EPB41L5: variants seen among roughly 807,000 people sequenced by gnomAD.
EPB41L5 encodes the protein band 4.1-like protein 5.
In EPB41L5, 55 loss-of-function variants were observed where a neutral mutation model predicts 106.6. The observed-to-expected ratio is 0.52, with a 90% confidence interval of 0.42 to 0.65. EPB41L5 has a LOEUF of 0.65. EPB41L5 is among the 30% of genes least tolerant of loss of function. EPB41L5 has a pLI of 0.00. For missense variants in EPB41L5, 871 were observed against 882.1 expected, an observed-to-expected ratio of 0.99 and a Z score of 0.16; for synonymous variants, 297 against 306.7, an observed-to-expected ratio of 0.97 and a Z score of 0.33.
intron 2 of EPB41L5, among the ~76,000 whole-genome samples, chr2:120,025,343 C>T (rs999728518): frequency 1.3e-5 from 2 of 152,034 alleles, no homozygotes; most frequent in African/African-American, 4.8e-5. Context: ...TGGTGATATC[C>T]TCTTTATTAT....
chr2:120,061,679 AAGTT>A (rs1203548958), intron 3 of EPB41L5, among the ~76,000 whole-genome samples: 1 of 152,188 alleles, frequency 6.6e-6, no homozygotes, highest in Non-Finnish European at 1.5e-5. Flanking sequence ...AAAGAAAAAT[AAGTT>A]AGTTAGATGG....
intron 18 of EPB41L5, among the ~76,000 whole-genome samples, chr2:120,142,729 CTG>C (rs775525509): frequency 2.0e-5 from 3 of 152,260 alleles, no homozygotes; most frequent in Admixed American, 1.3e-4. Context: ...TTCCAGCAAA[CTG>C]TGTTTATACA....
chr2:120,162,030 G>A (rs1463442234), intron 21 of EPB41L5, among the ~76,000 whole-genome samples: 1 of 152,138 alleles, frequency 6.6e-6, no homozygotes, highest in East Asian at 1.9e-4. Context: ...GTTCATTGCT[G>A]TATCCCTCAG....
intron 16 of EPB41L5, chr2:120,104,005 T>A (rs1684299148): frequency 6.9e-7 from 1 of 1,454,756 alleles, no homozygotes; most frequent in African/African-American, 1.4e-5. Flanking sequence ...ACACATCCAT[T>A]TTCTCCTATT....
In EPB41L5 at chr2:120,131,599, C is replaced by CTTTTTTTT. The variant is rs139599074; in HGVS notation, c.1502-16_1502-9dup. ...GCCTGGCAGACTGGGGTTATTTTGC[C>CTTTTTTTT]TTTTTTTTTTCTTTTCAGCATTAAA... On this transcript the variant is annotated intron_variant, in intron 17 of 24. Coordinates refer to ENST00000263713, the MANE Select transcript of EPB41L5 (RefSeq NM_020909.4). 4 of 1,342,418 alleles carry CTTTTTTTT rather than the reference C, an allele frequency of 3.0e-6. No individual in the cohort carries two copies. Among genetic ancestry groups the CTTTTTTTT allele is most frequent in the Non-Finnish European group, 3.1e-6 (3 of 965,216 alleles). The allele number at this position is 1,342,418 out of a possible 1,614,324, so 83.2% of individuals were successfully genotyped here.
chr2:120,153,189 T>C (rs1574766683), intron 20 of EPB41L5, among the ~76,000 whole-genome samples: 1 of 152,268 alleles, frequency 6.6e-6, no homozygotes, highest in East Asian at 1.9e-4. Flanking sequence ...AATATTTTGG[T>C]ATTTTTTTCA....
intron 20 of EPB41L5, among the ~76,000 whole-genome samples, chr2:120,152,308 T>C (rs1432295926): frequency 1.3e-5 from 2 of 152,236 alleles, no homozygotes; most frequent in African/African-American, 4.8e-5. Flanking sequence ...TCTGTTAATA[T>C]GGTGTGGTTT....
intron 16 of EPB41L5, among the ~76,000 whole-genome samples, chr2:120,116,921 C>T (rs1020518567): frequency 6.6e-6 from 1 of 151,892 alleles, no homozygotes; most frequent in Non-Finnish European, 1.5e-5. Flanking sequence ...TGGGAATTTG[C>T]GTAATATAAA....
At chr2:120,050,674 C>G (rs1680181496) in intron 3 of EPB41L5, among the ~76,000 whole-genome samples, 1 of 152,226 alleles carries the variant, frequency 6.6e-6, no homozygotes, top group South Asian at 2.1e-4. Flanking sequence ...AGTCATTCTC[C>G]ATCCAGCTTT....
intron 20 of EPB41L5, among the ~76,000 whole-genome samples, chr2:120,154,230 C>A (rs531234865): frequency 6.6e-6 from 1 of 152,124 alleles, no homozygotes; most frequent in Admixed American, 6.5e-5. Flanking sequence ...ACAATCTTGG[C>A]TCACCGCAAC....
Position 120,175,114 on chromosome 2 carries a change from GT to G in EPB41L5, c.*210del. ...ACTGCATAGCTGCCCAAAAGAGAGT[GT>G]TTGGTCTTGAACTTTCTATACTTTT... On this transcript the variant is annotated 3_prime_UTR_variant, in exon 25 of 25. Coordinates refer to ENST00000263713, the MANE Select transcript of EPB41L5 (RefSeq NM_020909.4). The G allele has an allele frequency of 1.8e-6, 1 of 563,840 alleles. No homozygotes were observed. The allele number at this position is 563,840 out of a possible 1,614,324, so 34.9% of individuals were successfully genotyped here. A position where few individuals can be genotyped will look rare whatever the true frequency, so the allele number is the denominator to read the frequency against.
chr2:120,075,461 T>G lies in EPB41L5; in HGVS notation c.408-15T>G. On this transcript the variant is annotated splice_polypyrimidine_tract_variant and intron_variant, in intron 5 of 24. Transcript: ENST00000263713. ...TGTGCTGTTGGGTTAAATTTGTGCC[T>G]TTCATTTTTCTTAGGTATTTATTTG... 1.9e-6 allele frequency: 3 copies of G among 1,549,672 alleles called. No individual in the cohort carries two copies. Among genetic ancestry groups the G allele is most frequent in the East Asian group, 2.3e-5 (1 of 44,422 alleles).
At chr2:120,162,851 G>A (rs549013228) in intron 21 of EPB41L5, among the ~76,000 whole-genome samples, 34 of 152,308 alleles carry the variant, frequency 2.2e-4, no homozygotes, top group African/African-American at 7.7e-4. Flanking sequence ...GTGGGAAGAT[G>A]CGAGAGGAGA....
intron 24 of EPB41L5, among the ~76,000 whole-genome samples, chr2:120,168,411 G>A (rs1435937875): frequency 4.6e-5 from 7 of 152,170 alleles, no homozygotes; most frequent in Admixed American, 3.9e-4. Flanking sequence ...TAGGGTGAGA[G>A]CCCTGAGATG....
intron 3 of EPB41L5, among the ~76,000 whole-genome samples, chr2:120,056,235 AT>A (rs536043162): frequency 0.052 from 7,103 of 137,094 alleles, 230 homozygotes; most frequent in Non-Finnish European, 0.078. Context: ...TGTTATGTTG[AT>A]TTTTTTTTTT....
chr2:120,076,441 C>T (rs1682238764), intron 7 of EPB41L5, among the ~76,000 whole-genome samples: 1 of 145,260 alleles, frequency 6.9e-6, no homozygotes, highest in Non-Finnish European at 1.5e-5. Context: ...GCTGGGTCTA[C>T]AGGCCATTAG....
intron 6 of EPB41L5, 86 bp from the exon 7 acceptor site, chr2:120,075,615 C>A: frequency 7.1e-7 from 1 of 1,403,786 alleles, no homozygotes; most frequent in Non-Finnish European, 1.0e-6. Flanking sequence ...AAGAAATGGT[C>A]AACATAAAAC....
intron 14 of EPB41L5, among the ~76,000 whole-genome samples, chr2:120,098,092 T>C (rs2105387292): frequency 6.6e-6 from 1 of 151,596 alleles, no homozygotes. Context: ...TAAAAAGAAA[T>C]TGTGCCTGAT....
At chr2:120,159,252 G>A (rs1221708969) in intron 20 of EPB41L5, among the ~76,000 whole-genome samples, 31 of 147,080 alleles carry the variant, frequency 2.1e-4, no homozygotes, top group Non-Finnish European at 3.6e-4. Context: ...GTGAAACCCC[G>A]TCTCTACTAA....
Sources: gnomAD v4.1 joint callset for allele counts (sites outside exome capture counted in the v4.1 genomes callset) on GRCh38, gnomAD v4.1.1 for gene constraint, MANE v1.5 for transcripts, NCBI Gene and HGNC (gene_info 2026-07-23, HGNC 2026-07-21) for gene names.